The following SGCD variants were observed in gnomAD, a reference collection of about 807,000 sequenced individuals.
SGCD encodes delta-sarcoglycan.
A neutral mutation model predicts 36.6 loss-of-function variants in SGCD; 18 were observed. The observed-to-expected ratio is 0.49, with a 90% confidence interval of 0.34 to 0.73. The LOEUF (loss-of-function observed/expected upper bound fraction) is 0.73. Among genes scored for constraint, SGCD ranks in the 30% least tolerant of loss-of-function variants. The pLI, the probability that SGCD is intolerant of heterozygous loss-of-function variation, is 0.01. For missense variants in SGCD, 387 were observed against 346.7 expected (o/e 1.12, Z -0.92); for synonymous variants, 133 against 130.6 (o/e 1.02, Z -0.12).
intron 4 of SGCD, among the ~76,000 whole-genome samples, chr5:156,564,928 C>T (rs1759418346): frequency 6.6e-6 from 1 of 152,228 alleles, no homozygotes; most frequent in South Asian, 2.1e-4. Flanking sequence ...AATCTTGTAG[C>T]ACATTGACTT....
intron 6 of SGCD, among the ~76,000 whole-genome samples, chr5:156,631,549 T>G (rs955890474): frequency 4.0e-5 from 6 of 151,584 alleles, no homozygotes; most frequent in Admixed American, 2.6e-4. Flanking sequence ...TCATAGACGC[T>G]ATTTTTTTTT....
chr5:155,962,390 A>C (rs928980966), intron 1 of SGCD, among the ~76,000 whole-genome samples: 2 of 152,016 alleles, frequency 1.3e-5, no homozygotes, highest in African/African-American at 4.8e-5. Context: ...TTCAAATGGC[A>C]CTAACTGGAC....
intron 3 of SGCD, among the ~76,000 whole-genome samples, chr5:156,397,913 C>T (rs781425543): frequency 3.3e-5 from 5 of 152,234 alleles, no homozygotes; most frequent in East Asian, 3.9e-4. Context: ...TATTGAAAAA[C>T]GGGTTTGAAT....
At chr5:156,632,580 G>T (rs1762677783) in intron 6 of SGCD, among the ~76,000 whole-genome samples, 1 of 152,120 alleles carries the variant, frequency 6.6e-6, no homozygotes, top group Non-Finnish European at 1.5e-5. Flanking sequence ...TCTAAGCCTA[G>T]TTATACCAAG....
chr5:156,568,940 G>T (rs570605911), intron 4 of SGCD, among the ~76,000 whole-genome samples: 1 of 152,146 alleles, frequency 6.6e-6, no homozygotes, highest in Non-Finnish European at 1.5e-5. Context: ...TATTATGTAT[G>T]TACACCAATA....
intron 1 of SGCD, among the ~76,000 whole-genome samples, chr5:155,928,564 A>C (rs1757037147): frequency 6.8e-6 from 1 of 147,912 alleles, no homozygotes; most frequent in East Asian, 2.1e-4. Context: ...GCTACTGAGG[A>C]GGTTGAGGCA....
At chr5:156,748,090 C>T (rs984462914) in intron 7 of SGCD, among the ~76,000 whole-genome samples, 1 of 152,240 alleles carries the variant, frequency 6.6e-6, no homozygotes, top group South Asian at 2.1e-4. Flanking sequence ...CAGAGCCACA[C>T]GGAAGAATCT....
intron 6 of SGCD, among the ~76,000 whole-genome samples, chr5:156,622,251 G>C (rs1455332402): frequency 6.6e-6 from 1 of 151,868 alleles, no homozygotes; most frequent in Non-Finnish European, 1.5e-5. Flanking sequence ...TGACCAACAT[G>C]GTGAAACTTT....
intron 3 of SGCD, among the ~76,000 whole-genome samples, chr5:156,207,542 C>T (rs375229978): frequency 1.8e-4 from 27 of 152,262 alleles, no homozygotes; most frequent in Middle Eastern, 6.8e-3. Flanking sequence ...TAGAAATTAG[C>T]TTGATCTAGA....
At position 156,494,475 on chromosome 5, in the gene SGCD, T is replaced by C. The variant is rs148877336; in HGVS notation, c.193-14126T>C. 1.3e-3 allele frequency among the ~76,000 whole-genome samples: 205 copies of C among 152,152 alleles called. 2 individuals carry two copies. The highest frequency in any genetic ancestry group is 4.7e-3 in the African/African-American group (196 of 41,530). On this transcript the variant is annotated intron_variant, in intron 3 of 8. Transcript: ENST00000337851. ...GGGAATAAATTCCAAAAAAAAATTATTTAAGTTTAACAAAATCACAGGATC... is the reference window on the plus strand; with the variant it reads ...GGGAATAAATTCCAAAAAAAAATTACTTAAGTTTAACAAAATCACAGGATC...
chr5:155,747,769 A>T, the SGCD span, among the ~76,000 whole-genome samples: 5 of 152,114 alleles, frequency 3.3e-5, no homozygotes, highest in Non-Finnish European at 7.3e-5. Flanking sequence ...CTAGCTCCTG[A>T]TGCTCCTCCC....
intron 3 of SGCD, among the ~76,000 whole-genome samples, chr5:156,126,121 T>C (rs1208231197): frequency 6.6e-6 from 1 of 152,018 alleles, no homozygotes; most frequent in Non-Finnish European, 1.5e-5. Context: ...ACTCAAGTGA[T>C]CCTACCGCCT....
chr5:155,845,496 G>C, the SGCD span: 4 of 152,226 alleles, frequency 2.6e-5, no homozygotes, highest in African/African-American at 7.3e-5. Flanking sequence ...AGCTAAGCAG[G>C]GTCGGGCCTG....
the SGCD span, among the ~76,000 whole-genome samples, chr5:155,756,698 A>T: frequency 6.6e-6 from 1 of 152,344 alleles, no homozygotes; most frequent in Admixed American, 6.5e-5. Context: ...TGATATAAAA[A>T]CATTACTGGT....
chr5:156,280,076 A>G (rs1250199610), intron 3 of SGCD, among the ~76,000 whole-genome samples: 1 of 152,000 alleles, frequency 6.6e-6, no homozygotes, highest in Non-Finnish European at 1.5e-5. Flanking sequence ...TGCATTGTCT[A>G]GTCTTTCCCT....
chr5:156,243,032 G>A (rs1265399062), intron 3 of SGCD, among the ~76,000 whole-genome samples: 1 of 152,224 alleles, frequency 6.6e-6, no homozygotes, highest in Non-Finnish European at 1.5e-5. Context: ...CACGTCTGAG[G>A]GTGGTGCATG....
the SGCD span, among the ~76,000 whole-genome samples, chr5:155,783,471 C>A: frequency 1.3e-5 from 2 of 152,044 alleles, no homozygotes; most frequent in East Asian, 3.9e-4. Context: ...GATAATCTAG[C>A]TGGCAATGAC....
intron 3 of SGCD, among the ~76,000 whole-genome samples, chr5:156,370,720 T>G (rs1419589855): frequency 1.3e-5 from 2 of 152,132 alleles, no homozygotes; most frequent in African/African-American, 4.8e-5. Flanking sequence ...GTGTGGTGGA[T>G]GCATGACAGT....
the SGCD span, among the ~76,000 whole-genome samples, chr5:155,791,928 CA>C: frequency 6.6e-6 from 1 of 151,924 alleles, no homozygotes; most frequent in Admixed American, 6.6e-5. Context: ...CATATGGATG[CA>C]AAAAGAGCAA....
Sources: allele counts gnomAD v4.1 joint callset (sites outside exome capture counted in the v4.1 genomes callset), GRCh38; gene constraint gnomAD v4.1.1; transcripts MANE v1.5; gene names NCBI Gene and HGNC (gene_info 2026-07-23, HGNC 2026-07-21).